Variants in ZNF536 observed in about 807,000 individuals in gnomAD.
The protein encoded by ZNF536 is zinc finger protein 536.
A neutral mutation model predicts 84.5 loss-of-function variants in ZNF536; 13 were observed. That is an observed-to-expected ratio of 0.15 (90% CI 0.10 to 0.24). ZNF536 has a LOEUF of 0.24. ZNF536 is among the 10% of genes least tolerant of loss of function. The probability of loss-of-function intolerance (pLI) is 1.00; values close to 1 mark genes in which losing one functional copy is unlikely to be tolerated. For missense variants in ZNF536, 1,536 were observed against 1,747.5 expected (o/e 0.88, Z 2.16); for synonymous variants, 811 against 742.5 (o/e 1.09, Z -1.50).
At chr19:30,404,430 G>A (rs1275483240) in intron 1 of ZNF536, among the ~76,000 whole-genome samples, 1 of 152,214 alleles carries the variant, frequency 6.6e-6, no homozygotes, top group Non-Finnish European at 1.5e-5. Flanking sequence ...GTGGAGACAG[G>A]CAGTCTGGGG....
chr19:30,631,922 G>A (rs755181202), intron 1 of ZNF536, among the ~76,000 whole-genome samples: 1 of 152,246 alleles, frequency 6.6e-6, no homozygotes, highest in Non-Finnish European at 1.5e-5. Flanking sequence ...TGAGAGCTGC[G>A]GACTCACTGC....
intron 1 of ZNF536, among the ~76,000 whole-genome samples, chr19:30,592,247 C>T (rs968200538): frequency 5.3e-5 from 8 of 152,232 alleles, no homozygotes; most frequent in Admixed American, 1.3e-4. Context: ...ATAAAGGTAT[C>T]GAGGCAGCAC....
At chr19:30,294,646 C>T (rs1050519322) in intron 2 of ZNF536, among the ~76,000 whole-genome samples, 1 of 151,740 alleles carries the variant, frequency 6.6e-6, no homozygotes, top group Non-Finnish European at 1.5e-5. Flanking sequence ...ATGATCAGGT[C>T]TCCAGTAACA....
intron 1 of ZNF536, among the ~76,000 whole-genome samples, chr19:30,598,943 CCCTTTCTTCCTT>C (rs2047562701): frequency 1.7e-5 from 1 of 57,560 alleles, no homozygotes; most frequent in Non-Finnish European, 5.0e-5. Flanking sequence ...CTCCCTCCCT[CCCTTTCTTCCTT>C]CCTTCCTCCT....
At chr19:30,527,273 C>G (rs1229749635) in intron 2 of ZNF536, among the ~76,000 whole-genome samples, 2 of 131,450 alleles carry the variant, frequency 1.5e-5, no homozygotes, top group African/African-American at 2.9e-5. Context: ...TTTTGATGAC[C>G]TACTTCCCCA....
intron 2 of ZNF536, among the ~76,000 whole-genome samples, chr19:30,478,151 T>C (rs537875813): frequency 7.5e-6 from 1 of 133,982 alleles, no homozygotes; most frequent in East Asian, 2.3e-4. Context: ...GGATAATCCT[T>C]GGTGTTTTTT....
intron 2 of ZNF536, among the ~76,000 whole-genome samples, chr19:30,520,917 T>C (rs1257639937): frequency 6.6e-6 from 1 of 152,180 alleles, no homozygotes; most frequent in East Asian, 1.9e-4. Context: ...AGCTCGGAAG[T>C]GGCCTCACCA....
At chr19:30,689,212 T>C (rs2051312931) in intron 1 of ZNF536, among the ~76,000 whole-genome samples, 1 of 152,244 alleles carries the variant, frequency 6.6e-6, no homozygotes, top group African/African-American at 2.4e-5. Flanking sequence ...GAACAAAATG[T>C]TCTCCTTCCT....
intron 1 of ZNF536, among the ~76,000 whole-genome samples, chr19:30,266,612 G>C (rs1432850910): frequency 1.3e-5 from 2 of 152,110 alleles, no homozygotes; most frequent in East Asian, 3.8e-4. Flanking sequence ...ATATTAAAAA[G>C]AAAATTTTTT....
At chr19:30,530,553 G>T (rs557885994) in intron 2 of ZNF536, among the ~76,000 whole-genome samples, 1 of 152,212 alleles carries the variant, frequency 6.6e-6, no homozygotes, top group South Asian at 2.1e-4. Flanking sequence ...TACCATGTTG[G>T]CCAGGCTCGT....
chr19:30,330,913 T>C (rs1481431914), intron 2 of ZNF536, among the ~76,000 whole-genome samples: 1 of 152,096 alleles, frequency 6.6e-6, no homozygotes, highest in Non-Finnish European at 1.5e-5. Context: ...ACAATTGCAG[T>C]CAAGGAATTG....
chr19:30,591,234 T>C (rs1327997719), intron 1 of ZNF536, among the ~76,000 whole-genome samples: 1 of 152,230 alleles, frequency 6.6e-6, no homozygotes, highest in Non-Finnish European at 1.5e-5. Flanking sequence ...GTGTCCTTAC[T>C]GTTCACACTT....
intron 2 of ZNF536, among the ~76,000 whole-genome samples, chr19:30,502,573 G>A (rs2054995880): frequency 6.6e-6 from 1 of 152,142 alleles, no homozygotes; most frequent in Non-Finnish European, 1.5e-5. Flanking sequence ...CTAAGTAGGG[G>A]ACTTATCATC....
intron 1 of ZNF536, among the ~76,000 whole-genome samples, chr19:30,653,047 A>C (rs2049769124): frequency 6.6e-6 from 1 of 152,212 alleles, no homozygotes; most frequent in South Asian, 2.1e-4. Flanking sequence ...TTGGGTGGAA[A>C]AGATTAAACA....
intron 2 of ZNF536, among the ~76,000 whole-genome samples, chr19:30,350,776 A>G (rs2047906917): frequency 1.3e-5 from 2 of 152,254 alleles, no homozygotes; most frequent in Non-Finnish European, 2.9e-5. Flanking sequence ...TGTGCCACAA[A>G]TATAAAATTG....
chr19:30,298,687 C>A (rs1295931914), intron 2 of ZNF536, among the ~76,000 whole-genome samples: 1 of 152,212 alleles, frequency 6.6e-6, no homozygotes, highest in Non-Finnish European at 1.5e-5. Flanking sequence ...TCCCATTCCC[C>A]ATATCTGCAG....
intron 1 of ZNF536, among the ~76,000 whole-genome samples, chr19:30,691,277 G>C (rs2051396769): frequency 6.6e-6 from 1 of 152,148 alleles, no homozygotes; most frequent in Non-Finnish European, 1.5e-5. Flanking sequence ...ATGAAAAAAG[G>C]AGGCAGACTT....
chr19:30,652,180 C>T lies in ZNF536; in HGVS notation c.170-58577C>T, dbSNP rs544636692. ...GTTCATTATAAAATATGAAATATTTCTCAGAACCATTGCAATTATGTGACC... is the reference window on the plus strand; with the variant it reads ...GTTCATTATAAAATATGAAATATTTTTCAGAACCATTGCAATTATGTGACC... On this transcript the variant is annotated intron_variant, in intron 1 of 1. Transcript: ENST00000592773. Among the ~76,000 whole-genome samples, 7 of 152,280 alleles carry T rather than the reference C, an allele frequency of 4.6e-5. No individual in the cohort carries two copies. The East Asian group carries it at 1.3e-3, about 29-fold the overall frequency.
At chr19:30,565,004 C>T (rs4804936) in intron 1 of ZNF536, among the ~76,000 whole-genome samples, 39,848 of 151,854 alleles carry the variant, frequency 0.26, 5,591 homozygotes, top group East Asian at 0.36. Context: ...GGGGCGGGTC[C>T]GTGCCATCGC....
Sources: allele counts gnomAD v4.1 joint callset (sites outside exome capture counted in the v4.1 genomes callset), GRCh38; gene constraint gnomAD v4.1.1; transcripts MANE v1.5; gene names NCBI Gene and HGNC (gene_info 2026-07-23, HGNC 2026-07-21).